The following GSE1 variants were observed in gnomAD, a reference collection of about 807,000 sequenced individuals.
The protein encoded by GSE1 is genetic suppressor element 1.
GSE1 carries 32 observed loss-of-function variants against 112.6 expected under a neutral mutation model. The observed-to-expected ratio is 0.28, with a 90% CI of 0.21 to 0.38. GSE1 has a LOEUF of 0.38. GSE1 is among the 10% of genes least tolerant of loss of function. The pLI is 1.00. For synonymous variants in GSE1, 1,115 were observed against 735.6 expected (o/e 1.52, Z -8.35); for missense variants, 2,348 against 1,699.2 (o/e 1.38, Z -6.71).
intron 1 of GSE1, among the ~76,000 whole-genome samples, chr16:85,178,918 A>C (rs2074524135): frequency 1.3e-5 from 2 of 151,776 alleles, no homozygotes; most frequent in African/African-American, 4.8e-5. Flanking sequence ...CCATTGTAGC[A>C]GCGGGCGGGG....
At chr16:85,478,154 A>T (rs1306310233) in intron 2 of GSE1, among the ~76,000 whole-genome samples, 1 of 152,184 alleles carries the variant, frequency 6.6e-6, no homozygotes, top group Non-Finnish European at 1.5e-5. Context: ...AGCTTCTTCC[A>T]GGAAGCATTG....
At chr16:85,337,665 G>A (rs2046531316) in intron 1 of GSE1, among the ~76,000 whole-genome samples, 1 of 152,058 alleles carries the variant, frequency 6.6e-6, no homozygotes, top group African/African-American at 2.4e-5. Flanking sequence ...CTGGGGGCCA[G>A]TCACCTGGGC....
chr16:85,653,407 G>C (rs561091309), intron 3 of GSE1, among the ~76,000 whole-genome samples: 1 of 147,070 alleles, frequency 6.8e-6, no homozygotes, highest in Admixed American at 6.8e-5. Context: ...GTGTGTGCGG[G>C]GCAGCCTCTG....
intron 2 of GSE1, among the ~76,000 whole-genome samples, chr16:85,476,453 A>G (rs895273955): frequency 2.0e-5 from 3 of 152,198 alleles, no homozygotes; most frequent in African/African-American, 4.8e-5. Context: ...CCTGGAACTC[A>G]CGTCTGCTTT....
chr16:85,191,496 A>G (rs905942713), intron 1 of GSE1, among the ~76,000 whole-genome samples: 5 of 152,168 alleles, frequency 3.3e-5, no homozygotes, highest in African/African-American at 9.7e-5. Context: ...GGAATTTTGG[A>G]AAGTTCAGAG....
intron 2 of GSE1, among the ~76,000 whole-genome samples, chr16:85,420,811 G>A (rs1181574813): frequency 3.3e-5 from 5 of 152,144 alleles, no homozygotes; most frequent in Non-Finnish European, 7.4e-5. Context: ...AGGACCTCTA[G>A]AGAGGCTGCA....
chr16:85,277,301 T>C (rs1201346717), intron 1 of GSE1, among the ~76,000 whole-genome samples: 2 of 152,070 alleles, frequency 1.3e-5, no homozygotes, highest in Non-Finnish European at 2.9e-5. Context: ...GGTCATTTTT[T>C]TTGCATGTGA....
chr16:85,229,556 A>T (rs2075546810), intron 1 of GSE1, among the ~76,000 whole-genome samples: 1 of 152,222 alleles, frequency 6.6e-6, no homozygotes, highest in Non-Finnish European at 1.5e-5. Flanking sequence ...TACTCACATG[A>T]GTTCCATTCT....
chr16:85,640,765 C>G (rs923461514), intron 2 of GSE1, among the ~76,000 whole-genome samples: 1 of 152,256 alleles, frequency 6.6e-6, no homozygotes, highest in African/African-American at 2.4e-5. Flanking sequence ...AGGAAGGATC[C>G]CGCCTGGCAG....
intron 1 of GSE1, among the ~76,000 whole-genome samples, chr16:85,342,686 A>C (rs866829582): frequency 6.6e-6 from 1 of 152,046 alleles, no homozygotes; most frequent in Non-Finnish European, 1.5e-5. Flanking sequence ...AGTCTGTTAA[A>C]CATCTCTGAG....
chr16:85,201,282 G>A (rs1186242677), intron 1 of GSE1, among the ~76,000 whole-genome samples: 1 of 151,138 alleles, frequency 6.6e-6, no homozygotes, highest in East Asian at 1.9e-4. Context: ...TGTTGCTCAG[G>A]CTGAGTTTGA....
intron 3 of GSE1, among the ~76,000 whole-genome samples, chr16:85,653,765 C>T (rs1455878926): frequency 6.6e-6 from 1 of 152,184 alleles, no homozygotes; most frequent in Non-Finnish European, 1.5e-5. Flanking sequence ...CTTCCTTTGC[C>T]CCTGCCCTCC....
chr16:85,654,957 C>G lies in GSE1; in HGVS notation c.763C>G (p.Leu255Val), dbSNP rs760649840. The change falls in exon 5 of 16, where the codon CTG becomes GTG. Residue 255 changes from leucine to valine, a missense_variant. Physicochemically the swap from Leu to Val is conservative, Grantham distance 32 (BLOSUM62 1). Transcript: ENST00000253458. The stretch of plus-strand genomic sequence containing the variant: ...TGCAGCCTACTACCACCCCAGCTAC[C>G]TGGCCCCACACCCCTTCCCCCACCC... ...TAAAYYHPSY[L>V]APHPFPHPAF... The G allele has an allele frequency of 2.5e-6, 4 of 1,607,972 alleles. No homozygotes were observed. In the South Asian group the frequency reaches 3.3e-5, roughly 13 times the overall value.
At position 85,380,072 on chromosome 16, in the gene GSE1, G is replaced by A. The variant is rs570293604; in HGVS notation, c.2464+22429G>A. ...AGCATTGCCATTTCTAGAACATTCT[G>A]ATGGGCTAAAAGGGTCATAACTCTC... is the stretch of plus-strand genomic sequence containing the variant. On this transcript the variant is annotated intron_variant, in intron 2 of 2. Coordinates refer to the GSE1 transcript ENST00000637419. Among the ~76,000 whole-genome samples the A allele has an allele frequency of 6.6e-5, 10 of 152,318 alleles. No homozygotes were observed. The South Asian group carries it at 1.4e-3, about 22-fold the overall frequency.
intron 1 of GSE1, among the ~76,000 whole-genome samples, chr16:85,196,978 A>T (rs1020991054): frequency 1.3e-5 from 2 of 152,204 alleles, no homozygotes; most frequent in Non-Finnish European, 2.9e-5. Context: ...GGGAGTCTGG[A>T]GACCCCGGTA....
chr16:85,407,335 C>A (rs1165641609), intron 2 of GSE1, among the ~76,000 whole-genome samples: 1 of 39,316 alleles, frequency 2.5e-5, no homozygotes, highest in African/African-American at 2.5e-4. Flanking sequence ...CTCTCAGGCC[C>A]CCCGGATAAT....
Position 85,388,257 on chromosome 16 carries a change from T to C in GSE1, c.2464+30614T>C. Among the ~76,000 whole-genome samples the C allele has an allele frequency of 1.4e-5, 2 of 144,342 alleles. 1 individual carries two copies. Among genetic ancestry groups the C allele is most frequent in the Admixed American group, 1.4e-4 (2 of 14,634 alleles). The allele number at this position is 144,342 out of a possible 152,430, so 94.7% of individuals were successfully genotyped here. ...GTGGATGGATGGATGGATGAATGGATGTATGGCTGGATGGATGGGTGAGTG... is the reference window on the plus strand; with the variant it reads ...GTGGATGGATGGATGGATGAATGGACGTATGGCTGGATGGATGGGTGAGTG... On this transcript the variant is annotated intron_variant, in intron 2 of 2. Transcript: ENST00000637419.
chr16:85,501,446 G>A (rs2051364521), intron 2 of GSE1, among the ~76,000 whole-genome samples: 1 of 141,188 alleles, frequency 7.1e-6, no homozygotes, highest in Admixed American at 7.3e-5. Flanking sequence ...AGGCTGGAGT[G>A]TAGTGATGCA....
At chr16:85,348,952 C>A (rs1164562915) in intron 1 of GSE1, among the ~76,000 whole-genome samples, 1 of 152,100 alleles carries the variant, frequency 6.6e-6, no homozygotes, top group Admixed American at 6.5e-5. Context: ...AGCCAACCCC[C>A]ACCGCCCTGC....
Sources: gnomAD v4.1 joint callset for allele counts (sites outside exome capture counted in the v4.1 genomes callset) on GRCh38, gnomAD v4.1.1 for gene constraint, MANE v1.5 for transcripts, NCBI Gene and HGNC (gene_info 2026-07-23, HGNC 2026-07-21) for gene names.